The following ARAP2 variants were observed in gnomAD, a reference collection of about 807,000 sequenced individuals.
ARAP2 encodes the protein ArfGAP with RhoGAP domain, ankyrin repeat and PH domain 2.
A neutral mutation model predicts 194.5 loss-of-function variants in ARAP2; 148 were observed. The observed-to-expected ratio is 0.76, with a 90% confidence interval of 0.67 to 0.87. The LOEUF is 0.87. ARAP2 is among the 40% of genes least tolerant of loss of function. The pLI, the probability that ARAP2 is intolerant of heterozygous loss-of-function variation, is 0.00. For synonymous variants in ARAP2, 695 were observed against 683.5 expected (o/e 1.02, Z -0.26); for missense variants, 2,128 against 1,989.7 (o/e 1.07, Z -1.32).
rs192850800 is a variant in ARAP2, at chr4:36,114,529, G to A, written c.4039-242C>T. 6.1e-3 allele frequency among the ~76,000 whole-genome samples: 932 copies of A among 152,078 alleles called. 7 individuals carry two copies. Among genetic ancestry groups the A allele is most frequent in the Non-Finnish European group, 9.3e-3 (634 of 67,946 alleles). Reference sequence around the variant, plus strand: ...AGAGAATTTTTTAATCTCTTACTGAGCAATTAGACCACTCAGAAGGAAAGA... The same window carrying A: ...AGAGAATTTTTTAATCTCTTACTGAACAATTAGACCACTCAGAAGGAAAGA... On this transcript the variant is annotated intron_variant, in intron 25 of 32. Coordinates refer to ENST00000303965, the MANE Select transcript of ARAP2 (RefSeq NM_015230.4).
At position 36,013,707 on chromosome 4, in the gene ARAP2, C is replaced by G. The variant is rs140369161; in HGVS notation, n.1057-876G>C. Among the ~76,000 whole-genome samples, 3 of 152,100 alleles carry G rather than the reference C, an allele frequency of 2.0e-5. No individual in the cohort carries two copies. In the East Asian group the frequency reaches 5.8e-4, roughly 29 times the overall value. ...ATACATTAGAGAATAATAACCTACC[C>G]AGAGATTTAATATAATACAATTATT... On this transcript the variant is annotated intron_variant and non_coding_transcript_variant, in intron 8 of 12. Transcript: ENST00000503225.
chr4:36,148,823 C>G (rs1489124237), intron 16 of ARAP2, among the ~76,000 whole-genome samples: 2 of 152,114 alleles, frequency 1.3e-5, no homozygotes, highest in East Asian at 3.9e-4. Flanking sequence ...CTCACCACTC[C>G]TTCTTGATTT....
chr4:36,054,874 T>C (rs1031334306), intron 2 of ARAP2, among the ~76,000 whole-genome samples: 2 of 152,198 alleles, frequency 1.3e-5, no homozygotes, highest in South Asian at 2.1e-4. Context: ...GATCCCCTGA[T>C]AGTCTGTAGT....
chr4:36,151,856 A>G (rs551204739), intron 15 of ARAP2, among the ~76,000 whole-genome samples: 48 of 152,320 alleles, frequency 3.2e-4, no homozygotes, highest in African/African-American at 1.1e-3. Context: ...AGAAAAATAC[A>G]GCAAATGTAA....
chr4:36,137,748 A>AG (rs1188336531), intron 19 of ARAP2, among the ~76,000 whole-genome samples: 3 of 151,774 alleles, frequency 2.0e-5, no homozygotes, highest in Non-Finnish European at 4.4e-5. Flanking sequence ...GTACTAGCCT[A>AG]GTTCATGAGC....
At chr4:36,128,052 C>A (rs1314136907) in intron 21 of ARAP2, among the ~76,000 whole-genome samples, 2 of 151,884 alleles carry the variant, frequency 1.3e-5, no homozygotes, top group African/African-American at 2.4e-5. Context: ...AACTCTATTT[C>A]ATTAGATGGA....
At chr4:36,236,981 C>A (rs1357849780) in intron 1 of ARAP2, among the ~76,000 whole-genome samples, 1 of 152,222 alleles carries the variant, frequency 6.6e-6, no homozygotes, top group East Asian at 1.9e-4. Context: ...CAATACACCA[C>A]TTCAGTTTGA....
At chr4:36,054,780 C>T (rs1338183012) in intron 2 of ARAP2, among the ~76,000 whole-genome samples, 1 of 152,136 alleles carries the variant, frequency 6.6e-6, no homozygotes, top group Non-Finnish European at 1.5e-5. Flanking sequence ...ATACTTTTCA[C>T]TAAGTGTAAA....
intron 8 of ARAP2, among the ~76,000 whole-genome samples, chr4:36,014,366 G>A (rs564008701): frequency 1.5e-5 from 2 of 133,764 alleles, no homozygotes; most frequent in Admixed American, 1.5e-4. Context: ...AAGAAAGAAA[G>A]AAAGAAAGAA....
rs113053753 is a variant in ARAP2 at position 36,169,619 on chromosome 4, C to A, written c.1858-2572G>T. Among the ~76,000 whole-genome samples, 684 of 152,064 alleles carry A rather than the reference C, an allele frequency of 4.5e-3. 7 individuals carry two copies. The highest frequency in any genetic ancestry group is 0.016 in the African/African-American group (654 of 41,474). ...GATCTCGGCTCACTGCAACCTCGGCCCCCCCAGGTTCAAGAGATTCCCCTG... is the reference window on the plus strand; with the variant it reads ...GATCTCGGCTCACTGCAACCTCGGCACCCCCAGGTTCAAGAGATTCCCCTG... On this transcript the variant is annotated intron_variant, in intron 9 of 32. Coordinates refer to ENST00000303965, the MANE Select transcript of ARAP2 (RefSeq NM_015230.4).
At chr4:36,047,491 A>C (rs1338429346) in intron 3 of ARAP2, among the ~76,000 whole-genome samples, 1 of 152,218 alleles carries the variant, frequency 6.6e-6, no homozygotes, top group African/African-American at 2.4e-5. Context: ...TTATGTAAAA[A>C]TTTTAGATTC....
intron 9 of ARAP2, among the ~76,000 whole-genome samples, chr4:36,008,947 TATTA>T (rs1243621560): frequency 4.6e-5 from 7 of 151,972 alleles, no homozygotes; most frequent in African/African-American, 7.3e-5. Context: ...TATGAAAAAA[TATTA>T]ATTGTCATTA....
Position 36,091,948 on chromosome 4 carries a change from C to A in ARAP2, c.4358G>T (p.Gly1453Val). The A allele has an allele frequency of 6.2e-7, 1 of 1,608,320 alleles. No individual in the cohort carries two copies. Among genetic ancestry groups the A allele is most frequent in the African/African-American group, 1.3e-5 (1 of 74,968 alleles). ...IKEEPSKILS[G>V]NKFQDRYFVL... ...AAAATACCGGTCTTGAAACTTATTT[C>A]CAGATAGTATTTTGGATGGTTCTTC... Residue 1453 changes from glycine to valine, a missense_variant, in exon 28 of 33, where the codon GGA (glycine) becomes GTA (valine). Coordinates refer to ENST00000303965, the MANE Select transcript of ARAP2 (RefSeq NM_015230.4).
At chr4:36,157,010 T>C (rs1732724531) in intron 15 of ARAP2, among the ~76,000 whole-genome samples, 1 of 152,134 alleles carries the variant, frequency 6.6e-6, no homozygotes, top group Non-Finnish European at 1.5e-5. Flanking sequence ...CTCAAGTAAA[T>C]TTAAAAACCA....
intron 5 of ARAP2, among the ~76,000 whole-genome samples, chr4:36,022,297 C>A (rs980335541): frequency 2.6e-5 from 4 of 151,958 alleles, no homozygotes; most frequent in African/African-American, 9.7e-5. Context: ...AGGATCACAG[C>A]CATACATGTA....
intron 8 of ARAP2, among the ~76,000 whole-genome samples, chr4:36,181,231 T>C (rs1033748800): frequency 3.9e-5 from 6 of 152,174 alleles, no homozygotes; most frequent in Admixed American, 2.6e-4. Context: ...GCTCTAAGAA[T>C]AGCATTCCAG....
At chr4:36,207,241 C>T (rs187985034) in intron 6 of ARAP2, among the ~76,000 whole-genome samples, 9 of 152,052 alleles carry the variant, frequency 5.9e-5, no homozygotes, top group South Asian at 2.1e-4. Context: ...TTTACAGCTG[C>T]GAAAAAGTGA....
intron 1 of ARAP2, among the ~76,000 whole-genome samples, chr4:36,242,002 T>A: frequency 6.6e-6 from 1 of 152,164 alleles, no homozygotes; most frequent in East Asian, 1.9e-4. Flanking sequence ...AAAGATCACG[T>A]GAGGAGAATA....
chr4:36,135,017 C>A (rs1220479129), intron 19 of ARAP2, among the ~76,000 whole-genome samples: 3 of 151,698 alleles, frequency 2.0e-5, no homozygotes, highest in African/African-American at 7.3e-5. Flanking sequence ...ATTTCAGTAT[C>A]TCCGGTCATT....
Sources: gnomAD v4.1 joint callset for allele counts (sites outside exome capture counted in the v4.1 genomes callset) on GRCh38, gnomAD v4.1.1 for gene constraint, MANE v1.5 for transcripts, NCBI Gene and HGNC (gene_info 2026-07-23, HGNC 2026-07-21) for gene names.